ANKMY1: variants seen among roughly 807,000 people sequenced by gnomAD.
ANKMY1 encodes the protein ankyrin repeat and MYND domain containing 1.
A neutral mutation model predicts 102.0 loss-of-function variants in ANKMY1; 98 were observed. The ratio of observed to expected loss-of-function variants is 0.96; its 90% confidence interval spans 0.82 to 1.14. ANKMY1 has a LOEUF of 1.14. Among genes scored for constraint, ANKMY1 ranks in the 50% most tolerant of loss-of-function variants. The pLI, the probability that ANKMY1 is intolerant of heterozygous loss-of-function variation, is 0.00. For missense variants in ANKMY1, 1,330 were observed against 1,347.6 expected, an observed-to-expected ratio of 0.99 and a Z score of 0.20; for synonymous variants, 582 against 559.9, an observed-to-expected ratio of 1.04 and a Z score of -0.56.
intron 4 of ANKMY1, among the ~76,000 whole-genome samples, chr2:240,533,011 T>A (rs1450484405): frequency 6.6e-6 from 1 of 152,238 alleles, no homozygotes; most frequent in African/African-American, 2.4e-5. Context: ...CCTGGGCCCC[T>A]TATATATTTT....
At position 240,520,770 on chromosome 2, in the gene ANKMY1, A is replaced by T. The variant is rs2082076325; in HGVS notation, c.1833-237T>A. 1.3e-5 allele frequency among the ~76,000 whole-genome samples: 2 copies of T among 149,950 alleles called. No homozygotes were observed. ...CGGCACACACAGCACACCACACAGC[A>T]CACTCACAACCACACCCACAGCACA... On this transcript the variant is annotated intron_variant, in intron 8 of 17. Transcript: ENST00000401804. This position sits in a 1 kb window ranked among gnomAD's most constrained non-coding sequence, Gnocchi z 4.8.
chr2:240,553,666 A>G, intron 3 of ANKMY1: 1 of 153,048 alleles, frequency 6.5e-6, no homozygotes, highest in South Asian at 2.0e-4. Flanking sequence ...AGGCCGAGGC[A>G]GGCGGATCAT....
At chr2:240,502,657 G>C (rs1365472002) in intron 13 of ANKMY1, among the ~76,000 whole-genome samples, 1 of 151,894 alleles carries the variant, frequency 6.6e-6, no homozygotes, top group Non-Finnish European at 1.5e-5. Flanking sequence ...GCTGCCCAGA[G>C]TGACCACCTC....
At position 240,555,063 on chromosome 2, in the gene ANKMY1, G is replaced by A; in HGVS notation, c.147-8C>T. On this transcript the variant is annotated splice_polypyrimidine_tract_variant and splice_region_variant and intron_variant, in intron 2 of 17. Transcript: ENST00000401804. ...GGGGCTGCTGAAACATCCCTAAAAG[G>A]ACAGGAGCAGAAGGAGGGAAGAGTG... 1.2e-6 allele frequency: 2 copies of A among 1,613,544 alleles called. No homozygotes were observed. Among genetic ancestry groups the A allele is most frequent in the South Asian group, 2.2e-5 (2 of 91,076 alleles).
rs773097597 is a variant in ANKMY1 at position 240,511,915 on chromosome 2, C to G, written c.2232G>C (p.Glu744Asp). ...AYYSTDTALP[E>D]EGGRTALHMA... is the part of the protein sequence containing the mutation. ...TGTGCAGAGCCGTCCTGCCCCCCTC[C>G]TCCGGGAGGGCTGTGTCCGTGCTGT... Residue 744 changes from glutamate to aspartate, a missense_variant, in exon 11 of 18, where the codon GAG becomes GAC. Transcript: ENST00000401804. The G allele has an allele frequency of 1.3e-6, 2 of 1,583,194 alleles. No individual in the cohort carries two copies. Among genetic ancestry groups the G allele is most frequent in the Admixed American group, 1.8e-5 (1 of 55,706 alleles).
rs141078879 is a variant in ANKMY1, at chr2:240,511,897, A to G, written c.2250T>C (p.Ala750=). Residue 750 remains alanine (A), a synonymous_variant, in exon 11 of 18, where the codon GCT becomes GCC. Transcript: ENST00000401804. ...TALPEEGGRT[A]LHMACEREDD... is the part of the protein sequence containing the mutation. ...CCTCCCGCTCGCAGGCCATGTGCAGAGCCGTCCTGCCCCCCTCCTCCGGGA... is the reference window on the plus strand; with the variant it reads ...CCTCCCGCTCGCAGGCCATGTGCAGGGCCGTCCTGCCCCCCTCCTCCGGGA... 2.5e-6 allele frequency: 4 copies of G among 1,590,844 alleles called. No homozygotes were observed. Among genetic ancestry groups the G allele is most frequent in the African/African-American group, 2.7e-5 (2 of 73,384 alleles).
In ANKMY1 at chr2:240,500,533, G is replaced by A. The variant is rs2077998524; in HGVS notation, c.2559C>T (p.Ile853=). Residue 853 remains isoleucine, a synonymous_variant, in exon 14 of 18, where the codon ATC becomes ATT. Transcript: ENST00000401804. ...CCTGCCTGAGCATTACAGGCTTCAG[G>A]ATGTCGGCCCCGTGACTGATGAGTC... ...IDRLISHGAD[I]LKPVMLRQGE... The A allele has an allele frequency of 6.2e-7, 1 of 1,614,154 alleles. No individual in the cohort carries two copies. The highest frequency in any genetic ancestry group is 1.3e-5 in the African/African-American group (1 of 75,066).
At position 240,557,871 on chromosome 2, in the gene ANKMY1, G is replaced by A. The variant is rs1002767189; in HGVS notation, c.-18+10C>T. The A allele has an allele frequency of 1.0e-6, 1 of 985,590 alleles. No individual in the cohort carries two copies. The highest frequency in any genetic ancestry group is 1.7e-5 in the African/African-American group (1 of 57,362). 61.1% of individuals were successfully genotyped at this position (985,590 alleles called of 1,614,324 possible). A position where few individuals can be genotyped will look rare whatever the true frequency, so the allele number is the denominator to read the frequency against. On this transcript the variant is annotated intron_variant, in intron 1 of 17. Coordinates refer to ENST00000401804, the MANE Select transcript of ANKMY1 (RefSeq NM_001282771.3). The stretch of plus-strand genomic sequence containing the variant: ...CCCCGGCTCCCAGCGCTCCTGTCGC[G>A]AGACCGCACCAAGCAAGACTCGAAG...
chr2:240,515,030 A>G (rs1293826592), intron 9 of ANKMY1, among the ~76,000 whole-genome samples: 1 of 152,278 alleles, frequency 6.6e-6, no homozygotes, highest in Admixed American at 6.5e-5. Context: ...ACACAGGGCC[A>G]GAAATTAAAA....
At chr2:240,496,718 T>C (rs886465435) in intron 15 of ANKMY1, among the ~76,000 whole-genome samples, 8 of 152,196 alleles carry the variant, frequency 5.3e-5, no homozygotes, top group African/African-American at 1.9e-4. Flanking sequence ...ACTGTCTCCT[T>C]CCATGACCAA....
chr2:240,479,801 C>G (rs879431426), intron 17 of ANKMY1, 146 bp from the exon 18 acceptor site: 16 of 700,134 alleles, frequency 2.3e-5, no homozygotes, highest in African/African-American at 3.6e-5. Context: ...CGGGATGCAG[C>G]AAGGACTGAG....
chr2:240,520,244 G>A lies in ANKMY1; in HGVS notation c.2004+118C>T. 2.8e-6 allele frequency: 4 copies of A among 1,431,868 alleles called. No homozygotes were observed. Among genetic ancestry groups the A allele is most frequent in the African/African-American group, 1.4e-5 (1 of 70,602 alleles). 88.7% of individuals were successfully genotyped at this position (1,431,868 alleles called of 1,614,324 possible). A position where few individuals can be genotyped will look rare whatever the true frequency, so the allele number is the denominator to read the frequency against. On this transcript the variant is annotated intron_variant, in intron 9 of 17. Coordinates refer to ENST00000401804, the MANE Select transcript of ANKMY1 (RefSeq NM_001282771.3). The surrounding 1 kb of genome is among the most constrained non-coding windows in gnomAD (Gnocchi z 4.8). Reference sequence around the variant, plus strand: ...CGCGCCGTCATCACTCACAGCCCAGGTGGTCGCCTGCAAGAGCCCACCCCT... The same window carrying A: ...CGCGCCGTCATCACTCACAGCCCAGATGGTCGCCTGCAAGAGCCCACCCCT...
chr2:240,537,968 A>G (rs1009042817), intron 4 of ANKMY1, among the ~76,000 whole-genome samples: 1 of 152,140 alleles, frequency 6.6e-6, no homozygotes, highest in Non-Finnish European at 1.5e-5. Context: ...CTGTCCATAC[A>G]TTGTCTTCCA....
At chr2:240,521,491 CTTTTTTTTTT>C (rs1162330484) in intron 8 of ANKMY1, among the ~76,000 whole-genome samples, 7 of 69,626 alleles carry the variant, frequency 1.0e-4, no homozygotes, top group East Asian at 3.6e-4. Context: ...GGTGTTACAG[CTTTTTTTTTT>C]TTTTTTTTTT....
the ANKMY1 span, among the ~76,000 whole-genome samples, chr2:240,472,219 A>G: frequency 1.1e-4 from 17 of 151,832 alleles, no homozygotes; most frequent in Admixed American, 1.0e-3. Flanking sequence ...AGGCAGGCCT[A>G]CCAATCCACG....
intron 5 of ANKMY1, chr2:240,527,065 T>C (rs62187201): frequency 0.045 from 42,178 of 939,138 alleles, 1,009 homozygotes; most frequent in South Asian, 0.058. Flanking sequence ...GTTGCATGAG[T>C]GAATTGATGG....
intron 13 of ANKMY1, among the ~76,000 whole-genome samples, chr2:240,505,122 T>A (rs1471284373): frequency 6.6e-6 from 1 of 151,868 alleles, no homozygotes; most frequent in Non-Finnish European, 1.5e-5. Flanking sequence ...GGTGAGAACA[T>A]GAAACAGTGC....
intron 9 of ANKMY1, among the ~76,000 whole-genome samples, chr2:240,515,500 A>G (rs1012023712): frequency 2.0e-5 from 3 of 151,994 alleles, no homozygotes; most frequent in African/African-American, 7.2e-5. Flanking sequence ...TTGCCACTGC[A>G]CTCCAGCTTG....
chr2:240,511,243 C>G (rs1329499837), intron 11 of ANKMY1, among the ~76,000 whole-genome samples: 1 of 152,244 alleles, frequency 6.6e-6, no homozygotes, highest in Non-Finnish European at 1.5e-5. Flanking sequence ...TACCACCTTG[C>G]TGAAGGCCCA....
Sources: gnomAD v4.1 joint callset for allele counts (sites outside exome capture counted in the v4.1 genomes callset) on GRCh38, gnomAD v4.1.1 for gene constraint, Gnocchi (gnomAD v3.1) non-coding constraint, MANE v1.5 for transcripts, NCBI Gene and HGNC (gene_info 2026-07-23, HGNC 2026-07-21) for gene names.